The following RNGTT variants were observed in gnomAD, a reference collection of about 807,000 sequenced individuals.
RNGTT encodes RNA guanylyltransferase and 5'-phosphatase.
RNGTT carries 33 observed loss-of-function variants against 79.3 expected under a neutral mutation model. That is an observed-to-expected ratio of 0.42 (90% confidence interval 0.32 to 0.56). The LOEUF is 0.56. Among genes scored for constraint, RNGTT ranks in the 20% least tolerant of loss-of-function variants. The pLI is 0.17. For synonymous variants in RNGTT, 222 were observed against 235.9 expected (o/e 0.94, Z 0.54); for missense variants, 497 against 739.1 (o/e 0.67, Z 3.80).
At chr6:88,804,030 C>T (rs1779879075) in intron 11 of RNGTT, among the ~76,000 whole-genome samples, 1 of 152,014 alleles carries the variant, frequency 6.6e-6, no homozygotes, top group African/African-American at 2.4e-5. Context: ...TATGATATCA[C>T]CTATCATGTA....
chr6:88,844,856 G>A (rs1781435571), intron 10 of RNGTT, among the ~76,000 whole-genome samples: 1 of 152,062 alleles, frequency 6.6e-6, no homozygotes, highest in Non-Finnish European at 1.5e-5. Context: ...GGAAGGCTGA[G>A]GCAGGAGGAT....
intron 13 of RNGTT, among the ~76,000 whole-genome samples, chr6:88,736,137 C>T (rs1777276246): frequency 6.6e-6 from 1 of 152,078 alleles, no homozygotes. Context: ...GAAGGAGAAA[C>T]AGATAATCTA....
chr6:88,830,291 T>G (rs1356926332), intron 11 of RNGTT, among the ~76,000 whole-genome samples: 1 of 152,112 alleles, frequency 6.6e-6, no homozygotes, highest in East Asian at 1.9e-4. Flanking sequence ...GAATGACTAC[T>G]GGCAGAAATA....
rs533752646 is a variant in RNGTT, at chr6:88,870,257, T to C, written c.897-16493A>G. Among the ~76,000 whole-genome samples the C allele has an allele frequency of 3.3e-5, 5 of 152,206 alleles. No individual in the cohort carries two copies. In the South Asian group the frequency reaches 8.3e-4, roughly 25 times the overall value. On this transcript the variant is annotated intron_variant, in intron 8 of 15. Coordinates refer to ENST00000369485, the MANE Select transcript of RNGTT (RefSeq NM_003800.5). ...TTGAGAAGCAAATTACCATCAAACA[T>C]GCAAAAACCAAATGTAGTTCCTCCA... is the stretch of plus-strand genomic sequence containing the variant.
At chr6:88,644,161 A>G (rs1286039345) in intron 14 of RNGTT, among the ~76,000 whole-genome samples, 2 of 152,222 alleles carry the variant, frequency 1.3e-5, no homozygotes, top group Non-Finnish European at 2.9e-5. Context: ...AAAAAATGAC[A>G]AAGGGGATAT....
intron 9 of RNGTT, 75 bp from the exon 10 acceptor site, chr6:88,849,901 A>G (rs1582540354): frequency 7.4e-7 from 1 of 1,356,412 alleles, no homozygotes. Context: ...AATATGGCAT[A>G]CACACAGTAA....
intron 13 of RNGTT, among the ~76,000 whole-genome samples, chr6:88,686,368 A>G (rs1205126240): frequency 1.3e-5 from 2 of 152,130 alleles, no homozygotes; most frequent in Non-Finnish European, 2.9e-5. Flanking sequence ...CCCAATTTAT[A>G]TATTAAATGC....
chr6:88,902,690 C>T lies in RNGTT; in HGVS notation c.684+2025G>A, dbSNP rs1485383611. On this transcript the variant is annotated intron_variant, in intron 6 of 15. Transcript: ENST00000369485. ...CCTTTAAAAAGATGTATAGTGAAAT[C>T]TTTTTTTTTTTTTTTTTTTTTTTTG... Among the ~76,000 whole-genome samples, 383 of 82,698 alleles carry T rather than the reference C, an allele frequency of 4.6e-3. 6 individuals are homozygous for T. Among genetic ancestry groups the T allele is most frequent in the African/African-American group, 0.018 (356 of 20,252 alleles). 54.3% of individuals were successfully genotyped at this position (82,698 alleles called of 152,430 possible).
chr6:88,895,083 T>C (rs771395736), intron 6 of RNGTT, among the ~76,000 whole-genome samples: 10 of 152,174 alleles, frequency 6.6e-5, no homozygotes, highest in Admixed American at 1.3e-4. Context: ...TAAAAAAGTA[T>C]GTTTATAGAA....
rs1772015813 is a variant in RNGTT at position 88,611,364 on chromosome 6, T to C, written c.*1355A>G. ...ATACACTTGCATATACTTACACAGA[T>C]ATGCATTTACATATACAATTCAGAC... On this transcript the variant is annotated 3_prime_UTR_variant, in exon 16 of 16. Transcript: ENST00000369485. 1 of 152,684 alleles carries C rather than the reference T, an allele frequency of 6.5e-6. No individual in the cohort carries two copies. Among genetic ancestry groups the C allele is most frequent in the Non-Finnish European group, 1.5e-5 (1 of 68,052 alleles). 9.5% of individuals were successfully genotyped at this position (152,684 alleles called of 1,614,324 possible).
At chr6:88,672,974 C>T (rs1422772318) in intron 14 of RNGTT, among the ~76,000 whole-genome samples, 1 of 152,166 alleles carries the variant, frequency 6.6e-6, no homozygotes, top group African/African-American at 2.4e-5. Flanking sequence ...TATTGGCATG[C>T]TATAGCAAAT....
At chr6:88,862,908 TAC>T (rs755874984) in intron 8 of RNGTT, among the ~76,000 whole-genome samples, 19 of 152,216 alleles carry the variant, frequency 1.2e-4, no homozygotes, top group Non-Finnish European at 1.9e-4. Flanking sequence ...ATTCTAACCC[TAC>T]AGTTATTTTT....
chr6:88,822,130 C>G (rs1780514859), intron 11 of RNGTT, among the ~76,000 whole-genome samples: 1 of 152,028 alleles, frequency 6.6e-6, no homozygotes, highest in Admixed American at 6.6e-5. Context: ...TATGGCAAAA[C>G]TTAGAAAATC....
intron 11 of RNGTT, among the ~76,000 whole-genome samples, chr6:88,804,982 G>A (rs906165534): frequency 7.9e-5 from 12 of 152,160 alleles, no homozygotes; most frequent in Non-Finnish European, 1.5e-4. Flanking sequence ...GAAGTGCTTT[G>A]CTCTTTGAAG....
chr6:88,641,518 C>A (rs1484524853), intron 14 of RNGTT, among the ~76,000 whole-genome samples: 1 of 152,128 alleles, frequency 6.6e-6, no homozygotes, highest in Non-Finnish European at 1.5e-5. Context: ...TACACTATTA[C>A]TGCTAAGACA....
At chr6:88,820,467 T>C (rs1236981418) in intron 11 of RNGTT, among the ~76,000 whole-genome samples, 1 of 152,172 alleles carries the variant, frequency 6.6e-6, no homozygotes, top group Non-Finnish European at 1.5e-5. Context: ...GGTATAAATA[T>C]TGGGAAGGTA....
intron 1 of RNGTT, among the ~76,000 whole-genome samples, chr6:88,950,524 TC>T (rs1157328059): frequency 1.3e-5 from 2 of 152,220 alleles, no homozygotes; most frequent in African/African-American, 4.8e-5. Flanking sequence ...TTAAGAATAT[TC>T]ATGATTCATA....
intron 13 of RNGTT, among the ~76,000 whole-genome samples, chr6:88,686,336 T>C (rs1021272714): frequency 6.6e-6 from 1 of 151,986 alleles, no homozygotes; most frequent in Non-Finnish European, 1.5e-5. Flanking sequence ...TACAACACTG[T>C]TACCACATAA....
intron 13 of RNGTT, among the ~76,000 whole-genome samples, chr6:88,684,997 C>T (rs987006426): frequency 3.3e-5 from 5 of 152,148 alleles, no homozygotes; most frequent in Admixed American, 6.5e-5. Flanking sequence ...CAGAAAGACA[C>T]GGAAGAAATC....
Sources: gnomAD v4.1 joint callset for allele counts (sites outside exome capture counted in the v4.1 genomes callset) on GRCh38, gnomAD v4.1.1 for gene constraint, MANE v1.5 for transcripts, NCBI Gene and HGNC (gene_info 2026-07-23, HGNC 2026-07-21) for gene names.